The following TAFA2 variants were observed in gnomAD, a reference collection of about 807,000 sequenced individuals.
TAFA2 encodes the protein chemokine-like protein TAFA-2.
In TAFA2, 7 loss-of-function variants were observed where a neutral mutation model predicts 18.8. That is an observed-to-expected ratio of 0.37 (90% confidence interval 0.21 to 0.70). The LOEUF (loss-of-function observed/expected upper bound fraction) is 0.70. Ranked by LOEUF, TAFA2 falls within the 30% of genes least tolerant of loss-of-function variation. The pLI, the probability that TAFA2 is intolerant of heterozygous loss-of-function variation, is 0.53. For synonymous variants in TAFA2, 60 were observed against 54.2 expected (o/e 1.11, Z -0.47); for missense variants, 122 against 158.1 (o/e 0.77, Z 1.23).
chr12:62,182,403 G>A (rs2136952730), intron 1 of TAFA2, among the ~76,000 whole-genome samples: 1 of 152,240 alleles, frequency 6.6e-6, no homozygotes, highest in South Asian at 2.1e-4. Context: ...CCTGTCAAAG[G>A]GGTAAGAGTT....
chr12:61,906,483 T>C (rs112653423), intron 1 of TAFA2, among the ~76,000 whole-genome samples: 4,461 of 152,340 alleles, frequency 0.029, 79 homozygotes, highest in South Asian at 0.045. Flanking sequence ...GGTGGAACTG[T>C]GAGTCCTTTA....
chr12:61,986,379 G>C (rs2136682807), intron 1 of TAFA2, among the ~76,000 whole-genome samples: 1 of 151,578 alleles, frequency 6.6e-6, no homozygotes, highest in East Asian at 2.0e-4. Flanking sequence ...GGCCAGGCTG[G>C]TCTAGAACTC....
intron 4 of TAFA2, among the ~76,000 whole-genome samples, chr12:61,731,175 G>C (rs1461047918): frequency 6.6e-6 from 1 of 152,076 alleles, no homozygotes; most frequent in African/African-American, 2.4e-5. Flanking sequence ...CTCTAGGTGA[G>C]GTTAAATCCT....
intron 1 of TAFA2, among the ~76,000 whole-genome samples, chr12:62,156,095 TAAGA>T (rs928559562): frequency 6.6e-6 from 1 of 151,706 alleles, no homozygotes; most frequent in East Asian, 1.9e-4. Context: ...AACAAATCAG[TAAGA>T]AAGAAAGAAA....
At chr12:62,057,566 A>G (rs1367051936) in intron 1 of TAFA2, among the ~76,000 whole-genome samples, 2 of 152,056 alleles carry the variant, frequency 1.3e-5, no homozygotes, top group African/African-American at 4.8e-5. Context: ...TTATTAAATT[A>G]CTTTGTCATT....
intron 1 of TAFA2, among the ~76,000 whole-genome samples, chr12:61,901,558 A>C (rs1337097711): frequency 6.6e-6 from 1 of 151,356 alleles, no homozygotes; most frequent in Non-Finnish European, 1.5e-5. Context: ...CTTCTATAAC[A>C]AAAAAAAAGA....
intron 1 of TAFA2, among the ~76,000 whole-genome samples, chr12:61,994,745 C>T (rs1161643407): frequency 1.3e-5 from 2 of 152,124 alleles, no homozygotes; most frequent in African/African-American, 4.8e-5. Flanking sequence ...AATCTCCCTT[C>T]GTTTCCGTAT....
At chr12:62,091,312 T>C (rs982436016) in intron 1 of TAFA2, among the ~76,000 whole-genome samples, 1 of 152,012 alleles carries the variant, frequency 6.6e-6, no homozygotes, top group Admixed American at 6.6e-5. Context: ...TTAAATAACA[T>C]CATTGCAGAG....
intron 1 of TAFA2, among the ~76,000 whole-genome samples, chr12:61,952,902 G>C (rs957561757): frequency 2.0e-5 from 3 of 151,906 alleles, no homozygotes; most frequent in Non-Finnish European, 2.9e-5. Flanking sequence ...AAGTTTTTTA[G>C]ATCATTTCTC....
intron 1 of TAFA2, among the ~76,000 whole-genome samples, chr12:61,872,307 A>G (rs901745010): frequency 1.3e-5 from 2 of 152,080 alleles, no homozygotes; most frequent in African/African-American, 4.8e-5. Context: ...ATAAGGGAAT[A>G]TTTTTTTAAG....
chr12:61,899,034 G>A (rs1875980015), intron 1 of TAFA2, among the ~76,000 whole-genome samples: 1 of 152,158 alleles, frequency 6.6e-6, no homozygotes, highest in African/African-American at 2.4e-5. Flanking sequence ...CTTTGCTAAA[G>A]CATAGCAAGA....
chr12:62,133,426 T>C (rs1198509902), intron 1 of TAFA2, among the ~76,000 whole-genome samples: 1 of 151,864 alleles, frequency 6.6e-6, no homozygotes, highest in African/African-American at 2.4e-5. Flanking sequence ...TCTTTCCTTT[T>C]GGATAATGTA....
chr12:61,741,080 T>C lies in TAFA2; in HGVS notation c.384+12542A>G, dbSNP rs1868421710. 2.0e-5 allele frequency among the ~76,000 whole-genome samples: 3 copies of C among 152,190 alleles called. No individual in the cohort carries two copies. The South Asian group carries it at 6.2e-4, about 32-fold the overall frequency. On this transcript the variant is annotated intron_variant, in intron 4 of 4. Coordinates refer to ENST00000416284, the MANE Select transcript of TAFA2 (RefSeq NM_178539.5). ...TGATTTTGCTAAAACTAATATACAT[T>C]ACTTCAAAATTTTTAAAGTGTTTTA...
chr12:61,833,615 T>G (rs1181608601), intron 2 of TAFA2, among the ~76,000 whole-genome samples: 2 of 152,178 alleles, frequency 1.3e-5, no homozygotes, highest in African/African-American at 4.8e-5. Flanking sequence ...TCGTGTAACT[T>G]CTATCATGGT....
chr12:62,092,183 GCT>G (rs1868743226), intron 1 of TAFA2, among the ~76,000 whole-genome samples: 1 of 151,882 alleles, frequency 6.6e-6, no homozygotes, highest in Non-Finnish European at 1.5e-5. Context: ...ATGGGAACCA[GCT>G]CTTCTCCACT....
At chr12:61,979,200 G>A (rs1214462030) in intron 1 of TAFA2, among the ~76,000 whole-genome samples, 6 of 152,060 alleles carry the variant, frequency 3.9e-5, no homozygotes, top group Non-Finnish European at 7.4e-5. Flanking sequence ...CTTTGTAATT[G>A]TGCAGTACAT....
intron 2 of TAFA2, among the ~76,000 whole-genome samples, chr12:61,759,017 A>G (rs927216144): frequency 1.3e-5 from 2 of 151,992 alleles, no homozygotes; most frequent in Admixed American, 1.3e-4. Flanking sequence ...CCAGGAGCAC[A>G]TGGTGAGTTT....
intron 1 of TAFA2, among the ~76,000 whole-genome samples, chr12:62,213,729 T>G (rs565262552): frequency 1.3e-5 from 2 of 152,256 alleles, no homozygotes; most frequent in Non-Finnish European, 1.5e-5. Flanking sequence ...TCTTTCAGAA[T>G]TTACAATCCA....
chr12:61,997,944 G>A (rs1415306064), intron 1 of TAFA2, among the ~76,000 whole-genome samples: 2 of 151,976 alleles, frequency 1.3e-5, no homozygotes, highest in South Asian at 2.1e-4. Flanking sequence ...AAGAAAAATG[G>A]AGACTAATTT....
Sources: gnomAD v4.1 joint callset for allele counts (sites outside exome capture counted in the v4.1 genomes callset) on GRCh38, gnomAD v4.1.1 for gene constraint, MANE v1.5 for transcripts, NCBI Gene and HGNC (gene_info 2026-07-23, HGNC 2026-07-21) for gene names.